The following PKD1L3 variants were observed in gnomAD, a reference collection of about 807,000 sequenced individuals.
The protein encoded by PKD1L3 is polycystin-1-like protein 3.
PKD1L3 carries 239 observed loss-of-function variants against 184.1 expected under a neutral mutation model. That is an observed-to-expected ratio of 1.30 (90% confidence interval 1.17 to 1.45). The LOEUF (loss-of-function observed/expected upper bound fraction) is 1.45, where lower values mean the gene tolerates loss of function less well. Ranked by LOEUF, PKD1L3 falls within the 40% of genes most tolerant of loss-of-function variation. The pLI, the probability that PKD1L3 is intolerant of heterozygous loss-of-function variation, is 0.00. For missense variants in PKD1L3, 2,660 were observed against 2,067.2 expected, an observed-to-expected ratio of 1.29 and a Z score of -5.56; for synonymous variants, 996 against 778.8, an observed-to-expected ratio of 1.28 and a Z score of -4.64.
intron 24 of PKD1L3, among the ~76,000 whole-genome samples, chr16:71,942,311 C>T (rs551239780): frequency 2.0e-4 from 30 of 152,096 alleles, no homozygotes; most frequent in African/African-American, 6.3e-4. Flanking sequence ...CCAGCCTGGG[C>T]GACAGAGCAA....
Position 71,954,292 on chromosome 16 carries a change from A to G in PKD1L3, c.2622T>C (p.Phe874=), listed in dbSNP as rs1350147951. 3 of 1,535,682 alleles carry G rather than the reference A, an allele frequency of 2.0e-6. No homozygotes were observed. The highest frequency in any genetic ancestry group is 3.4e-4 in the Middle Eastern group (2 of 5,914). ...TGAACTTTTCCACAATCATGGAGGA[A>G]AACAGATGTCTGAAAAGAGAAATCA... ...KRELFSFRHL[F]SSMIVEKFTQ... Residue 874 remains phenylalanine, a synonymous_variant, in exon 17 of 30, where the codon TTT becomes TTC. Coordinates refer to ENST00000620267, the MANE Select transcript of PKD1L3 (RefSeq NM_181536.2).
At chr16:71,941,849 G>C (rs1410614133) in intron 24 of PKD1L3, among the ~76,000 whole-genome samples, 1 of 151,578 alleles carries the variant, frequency 6.6e-6, no homozygotes, top group African/African-American at 2.4e-5. Context: ...CTCCCAAAGT[G>C]CTGGGATTAC....
intron 2 of PKD1L3, among the ~76,000 whole-genome samples, chr16:71,997,961 A>C (rs1035559): frequency 6.6e-6 from 1 of 151,902 alleles, no homozygotes; most frequent in African/African-American, 2.4e-5. Flanking sequence ...CTGAAGCCCA[A>C]ATGCTGACTG....
intron 16 of PKD1L3, among the ~76,000 whole-genome samples, chr16:71,962,095 T>C (rs1456510589): frequency 2.2e-5 from 3 of 138,660 alleles, no homozygotes; most frequent in Non-Finnish European, 4.7e-5. Context: ...TGGCTAATTT[T>C]TGTACTTTGG....
intron 22 of PKD1L3, among the ~76,000 whole-genome samples, chr16:71,945,297 TATATATATACACAC>T (rs2038538565): frequency 2.9e-5 from 2 of 70,060 alleles, no homozygotes; most frequent in South Asian, 5.3e-4. Flanking sequence ...TATATATATA[TATATATATACACAC>T]ACACACACAC....
rs758149621 is a variant in PKD1L3 at position 71,986,359 on chromosome 16, T to C, written c.696A>G (p.Ile232Met). Reference sequence around the variant, plus strand: ...CAGACACGGGCATGGTGAGCTGTGTTATCACAGGGAGAGGCTGGCTGCTGG... The same window carrying C: ...CAGACACGGGCATGGTGAGCTGTGTCATCACAGGGAGAGGCTGGCTGCTGG... ...SEPSSQPLPV[I>M]TQLTMPVSVT... is the part of the protein sequence containing the mutation. The change falls in exon 5 of 30, where the codon ATA (isoleucine) becomes ATG (methionine). Residue 232 changes from isoleucine to methionine, a missense_variant. By Grantham distance (10) the Ile-to-Met change is conservative (BLOSUM62 1). Coordinates refer to ENST00000620267, the MANE Select transcript of PKD1L3 (RefSeq NM_181536.2). 12 of 1,551,494 alleles carry C rather than the reference T, an allele frequency of 7.7e-6. No homozygotes were observed. Among genetic ancestry groups the C allele is most frequent in the South Asian group, 2.4e-5 (2 of 84,066 alleles).
At chr16:71,942,535 G>A (rs1394413668) in intron 24 of PKD1L3, 25 bp downstream of exon 24, 1 of 1,526,256 alleles carries the variant, frequency 6.6e-7, no homozygotes, top group Non-Finnish European at 8.9e-7. Flanking sequence ...ACGTGTGGTT[G>A]AATTCCAGGG....
At chr16:71,968,280 T>A (rs2039576553) in intron 13 of PKD1L3, among the ~76,000 whole-genome samples, 1 of 152,142 alleles carries the variant, frequency 6.6e-6, no homozygotes, top group African/African-American at 2.4e-5. Flanking sequence ...TCCACCTCCT[T>A]CCCACTTAGG....
At chr16:71,929,739 T>A in intron 29 of PKD1L3, 61 bp from the exon 30 acceptor site, 1 of 1,393,118 alleles carries the variant, frequency 7.2e-7, no homozygotes, top group East Asian at 2.5e-5. Context: ...AATAGTGGAG[T>A]AAAAAAAGTA....
At chr16:71,974,217 G>A (rs2039833971) in intron 11 of PKD1L3, among the ~76,000 whole-genome samples, 1 of 152,190 alleles carries the variant, frequency 6.6e-6, no homozygotes. Context: ...AGGGACCGGA[G>A]GTCGGGCCTG....
chr16:71,971,599 G>A (rs1484258863), intron 12 of PKD1L3, among the ~76,000 whole-genome samples: 1 of 152,206 alleles, frequency 6.6e-6, no homozygotes, highest in African/African-American at 2.4e-5. Context: ...GCTGTGAGAG[G>A]AGAAAAGCTC....
At chr16:71,940,966 G>A (rs986955326) in intron 24 of PKD1L3, among the ~76,000 whole-genome samples, 2 of 151,896 alleles carry the variant, frequency 1.3e-5, no homozygotes, top group East Asian at 3.9e-4. Flanking sequence ...CTCCCAAGTA[G>A]CTGAGACAAC....
intron 15 of PKD1L3, among the ~76,000 whole-genome samples, chr16:71,963,696 T>C (rs200847231): frequency 1.8e-4 from 28 of 152,222 alleles, no homozygotes; most frequent in African/African-American, 6.5e-4. Context: ...GGTGGAAGGA[T>C]TGTTTGAGCC....
At chr16:71,987,844 G>C (rs1035572552) in intron 4 of PKD1L3, among the ~76,000 whole-genome samples, 2 of 151,998 alleles carry the variant, frequency 1.3e-5, no homozygotes, top group Non-Finnish European at 2.9e-5. Flanking sequence ...GAGAGAGAGA[G>C]CTCTGCCCAT....
chr16:71,993,584 GT>G (rs1487435206), intron 2 of PKD1L3, among the ~76,000 whole-genome samples: 1 of 152,120 alleles, frequency 6.6e-6, no homozygotes, highest in Non-Finnish European at 1.5e-5. Context: ...TATGCCTAGT[GT>G]TCCATTATTG....
chr16:71,936,519 CTTTTTTTTTTTTTTTTT>C (rs1387338245), intron 25 of PKD1L3, among the ~76,000 whole-genome samples: 2 of 123,544 alleles, frequency 1.6e-5, no homozygotes, highest in Non-Finnish European at 3.3e-5. Flanking sequence ...TTTTTTTTTT[CTTTTTTTTTTTTTTTTT>C]GAGATGCAGT....
chr16:71,939,812 G>A (rs1201255285), intron 24 of PKD1L3, among the ~76,000 whole-genome samples: 1 of 152,118 alleles, frequency 6.6e-6, no homozygotes, highest in Non-Finnish European at 1.5e-5. Context: ...GGAACTGAAT[G>A]GACCAGTTTA....
intron 2 of PKD1L3, among the ~76,000 whole-genome samples, chr16:71,997,411 AC>A (rs113598590): frequency 0.37 from 51,551 of 140,120 alleles, 10,007 homozygotes; most frequent in East Asian, 0.68. Context: ...ACATAACAAG[AC>A]CCCCCCCCCC....
intron 16 of PKD1L3, 69 bp from the exon 17 acceptor site, chr16:71,954,370 A>G (rs2038967989): frequency 7.7e-7 from 1 of 1,297,994 alleles, no homozygotes; most frequent in African/African-American, 1.5e-5. Flanking sequence ...TTAAGATGTG[A>G]TTTGCCCAGC....
Sources: gnomAD v4.1 joint callset for allele counts (sites outside exome capture counted in the v4.1 genomes callset) on GRCh38, gnomAD v4.1.1 for gene constraint, MANE v1.5 for transcripts, NCBI Gene and HGNC (gene_info 2026-07-23, HGNC 2026-07-21) for gene names.